The following CUX2 variants were observed in gnomAD, a reference collection of about 807,000 sequenced individuals.
CUX2 encodes the protein cut like homeobox 2, also known as homeobox protein cut-like 2.
CUX2 carries 40 observed loss-of-function variants against 144.8 expected under a neutral mutation model. The observed-to-expected ratio is 0.28, with a 90% CI of 0.21 to 0.36. The LOEUF is 0.36. Among genes scored for constraint, CUX2 ranks in the 10% least tolerant of loss-of-function variants. CUX2 has a pLI of 1.00. For synonymous variants in CUX2, 827 were observed against 875.6 expected, an observed-to-expected ratio of 0.94 and a Z score of 0.98; for missense variants, 1,615 against 1,994.0, an observed-to-expected ratio of 0.81 and a Z score of 3.62.
chr12:111,299,817 C>T (rs1886195478), intron 9 of CUX2, among the ~76,000 whole-genome samples: 1 of 152,220 alleles, frequency 6.6e-6, no homozygotes, highest in Admixed American at 6.5e-5. Context: ...CAGCCTCTCT[C>T]ACCAGCCCCT....
rs994997798 is a variant in CUX2, at chr12:111,034,729, A to G, written c.63+489A>G. Among the ~76,000 whole-genome samples the G allele has an allele frequency of 4.7e-5, 7 of 149,896 alleles. No individual in the cohort carries two copies. Among genetic ancestry groups the G allele is most frequent in the Non-Finnish European group, 8.9e-5 (6 of 67,096 alleles). ...GGCGGGCAGGGAGGAGGAGGAGGAG[A>G]GGAGGAGGAGGAGGAGAGAGGAGGA... On this transcript the variant is annotated intron_variant, in intron 1 of 21. Transcript: ENST00000261726. The surrounding 1 kb of genome is among the most constrained non-coding windows in gnomAD (Gnocchi z 4.2).
intron 19 of CUX2, among the ~76,000 whole-genome samples, chr12:111,336,142 A>T (rs1364126055): frequency 1.3e-5 from 2 of 152,186 alleles, no homozygotes; most frequent in Non-Finnish European, 1.5e-5. Context: ...ACTCCAGCTC[A>T]GTCCTCACCC....
intron 1 of CUX2, among the ~76,000 whole-genome samples, chr12:111,148,759 G>C (rs886600632): frequency 2.0e-5 from 3 of 152,188 alleles, no homozygotes; most frequent in Non-Finnish European, 4.4e-5. Flanking sequence ...CACTCTGGGA[G>C]GCCAAGGCCA....
chr12:111,191,682 T>C (rs911925547), intron 1 of CUX2, among the ~76,000 whole-genome samples: 2 of 152,194 alleles, frequency 1.3e-5, no homozygotes, highest in Non-Finnish European at 2.9e-5. Context: ...TCCACCTGCC[T>C]TCTCCCATCT....
Position 111,312,182 on chromosome 12 carries a change from G to T in CUX2, c.1983G>T (p.Glu661Asp), listed in dbSNP as rs1179946515. The T allele has an allele frequency of 6.2e-7, 1 of 1,609,958 alleles. No individual in the cohort carries two copies. Among genetic ancestry groups the T allele is most frequent in the Non-Finnish European group, 8.5e-7 (1 of 1,177,302 alleles). ...IKSILEQAKK[E>D]IESQKGGEPK... ...GCATTCTAGAGCAGGCCAAGAAGGA[G>T]ATCGAGTCGCAGAAGGGCGGTGAGT... The change falls in exon 16 of 22, where the codon GAG (glutamate) becomes GAT (aspartate). Residue 661 changes from glutamate to aspartate, a missense_variant. Coordinates refer to ENST00000261726, the MANE Select transcript of CUX2 (RefSeq NM_015267.4). This position sits in a 1 kb window ranked among gnomAD's most constrained non-coding sequence, Gnocchi z 4.3.
In CUX2 at chr12:111,068,390, A is replaced by G. The variant is rs1207440757; in HGVS notation, c.63+34150A>G. Among the ~76,000 whole-genome samples the G allele has an allele frequency of 6.6e-6, 1 of 152,226 alleles. No individual in the cohort carries two copies. Among genetic ancestry groups the G allele is most frequent in the Non-Finnish European group, 1.5e-5 (1 of 68,032 alleles). On this transcript the variant is annotated intron_variant, in intron 1 of 21. Coordinates refer to ENST00000261726, the MANE Select transcript of CUX2 (RefSeq NM_015267.4). The surrounding 1 kb of genome is among the most constrained non-coding windows in gnomAD (Gnocchi z 4.9). ...ATGACATCTGTATGAAAAGCCAGCC[A>G]GCCGGCCGATTTCTGTCCTTTGAAG...
chr12:111,103,659 C>CTACTA (rs1873407998), intron 1 of CUX2, among the ~76,000 whole-genome samples: 1 of 152,180 alleles, frequency 6.6e-6, no homozygotes, highest in Non-Finnish European at 1.5e-5. Flanking sequence ...GGGCCACTGT[C>CTACTA]TACTATAACA....
At chr12:111,216,526 T>C (rs1486156828) in intron 2 of CUX2, among the ~76,000 whole-genome samples, 1 of 152,218 alleles carries the variant, frequency 6.6e-6, no homozygotes, top group East Asian at 1.9e-4. Flanking sequence ...ATTTGGTAGA[T>C]TGTGCAACCC....
At chr12:111,096,091 C>T (rs536953623) in intron 1 of CUX2, among the ~76,000 whole-genome samples, 11 of 152,230 alleles carry the variant, frequency 7.2e-5, no homozygotes, top group Non-Finnish European at 1.0e-4. Context: ...ACAAGTGGCT[C>T]GTGGATGAGT....
intron 3 of CUX2, among the ~76,000 whole-genome samples, chr12:111,221,511 A>C (rs1363282676): frequency 1.3e-5 from 2 of 152,124 alleles, no homozygotes; most frequent in Non-Finnish European, 2.9e-5. Flanking sequence ...CCTCCTGGAA[A>C]TATTCCCTGG....
intron 1 of CUX2, among the ~76,000 whole-genome samples, chr12:111,072,810 C>G (rs1378024729): frequency 6.6e-6 from 1 of 152,198 alleles, no homozygotes; most frequent in Non-Finnish European, 1.5e-5. Flanking sequence ...GGACCCCTCC[C>G]CCAACCCCAA....
At chr12:111,079,981 C>T (rs181856137) in intron 1 of CUX2, among the ~76,000 whole-genome samples, 2 of 152,352 alleles carry the variant, frequency 1.3e-5, no homozygotes, top group African/African-American at 4.8e-5. Flanking sequence ...GGTTCTAGTC[C>T]TGTCATGCCC....
Position 111,320,609 on chromosome 12 carries a change from A to C in CUX2, c.2600A>C (p.Tyr867Ser). Reference protein sequence around the residue: ...ATAEAGARLPYYPAYVPRTLK... With the variant: ...ATAEAGARLPSYPAYVPRTLK... ...GCCGAGGCGGGCGCGCGGCTGCCCT[A>C]CTACCCGGCCTACGTGCCGCGCACC... The change falls in exon 17 of 22, where the codon TAC (tyrosine) becomes TCC (serine). Residue 867 changes from tyrosine to serine, a missense_variant. This residue lies in a region of CUX2 where 390 missense variants were observed against 387.1 expected (regional missense o/e 1.01). Coordinates refer to ENST00000261726, the MANE Select transcript of CUX2 (RefSeq NM_015267.4). The surrounding 1 kb of genome is among the most constrained non-coding windows in gnomAD (Gnocchi z 8.1). 1 of 1,567,304 alleles carries C rather than the reference A, an allele frequency of 6.4e-7. No homozygotes were observed. Among genetic ancestry groups the C allele is most frequent in the Non-Finnish European group, 8.6e-7 (1 of 1,165,522 alleles).
chr12:111,252,055 G>A lies in CUX2; in HGVS notation c.223-11706G>A, dbSNP rs1332004202. 5.3e-5 allele frequency among the ~76,000 whole-genome samples: 8 copies of A among 152,114 alleles called. 1 individual carries two copies. The highest frequency in any genetic ancestry group is 4.1e-4 in the South Asian group (2 of 4,820). Reference sequence around the variant, plus strand: ...GAAAATATTAGCCAGGCATGGTGGCGTGTGCCTGTAGTCCCAACTACTTGT... The same window carrying A: ...GAAAATATTAGCCAGGCATGGTGGCATGTGCCTGTAGTCCCAACTACTTGT... On this transcript the variant is annotated intron_variant, in intron 3 of 21. Transcript: ENST00000261726.
intron 1 of CUX2, among the ~76,000 whole-genome samples, chr12:111,069,547 T>TGCGCGCGCGC (rs1871172508): frequency 6.6e-6 from 1 of 151,452 alleles, no homozygotes; most frequent in South Asian, 2.1e-4. Flanking sequence ...TGTGTGTGTG[T>TGCGCGCGCGC]GTGTGCGCGC....
At chr12:111,129,609 G>T (rs189118043) in intron 1 of CUX2, among the ~76,000 whole-genome samples, 1 of 152,362 alleles carries the variant, frequency 6.6e-6, no homozygotes, top group African/African-American at 2.4e-5. Context: ...CTTCTACATA[G>T]GCCAGATCGG....
intron 9 of CUX2, among the ~76,000 whole-genome samples, chr12:111,301,696 A>G (rs11065857): frequency 0.42 from 64,319 of 152,014 alleles, 17,992 homozygotes; most frequent in East Asian, 0.89. Context: ...TCAAGATGGT[A>G]TCTTGCTATG....
At chr12:111,119,828 C>T (rs868635858) in intron 1 of CUX2, among the ~76,000 whole-genome samples, 11 of 152,138 alleles carry the variant, frequency 7.2e-5, no homozygotes, top group South Asian at 4.1e-4. Context: ...GGGGCCAAGG[C>T]GGGAGGATCA....
chr12:111,282,735 G>A (rs972109439), intron 4 of CUX2, among the ~76,000 whole-genome samples: 80 of 151,976 alleles, frequency 5.3e-4, no homozygotes, highest in Non-Finnish European at 1.5e-5. Context: ...GTGCCTTCAG[G>A]GTTGGTTTCC....
Sources: gnomAD v4.1 joint callset for allele counts (sites outside exome capture counted in the v4.1 genomes callset) on GRCh38, gnomAD v4.1.1 for gene constraint, gnomAD v4.1.1 regional missense constraint, Gnocchi (gnomAD v3.1) non-coding constraint, MANE v1.5 for transcripts, NCBI Gene and HGNC (gene_info 2026-07-23, HGNC 2026-07-21) for gene names.